The following EYS variants were observed in gnomAD, a reference collection of about 807,000 sequenced individuals.
The protein encoded by EYS is EGF-like photoreceptor maintenance factor.
In EYS, 250 loss-of-function variants were observed where a neutral mutation model predicts 282.1. The observed-to-expected ratio is 0.89, with a 90% CI of 0.80 to 0.98. EYS has a LOEUF of 0.98. Ranked by LOEUF, EYS falls within the 50% of genes least tolerant of loss-of-function variation. EYS has a pLI of 0.00. For synonymous variants in EYS, 1,355 were observed against 1,282.9 expected (o/e 1.06, Z -1.20); for missense variants, 4,016 against 3,709.0 (o/e 1.08, Z -2.15).
chr6:64,643,736 G>C (rs982851168), intron 22 of EYS, among the ~76,000 whole-genome samples: 2 of 152,216 alleles, frequency 1.3e-5, no homozygotes, highest in Non-Finnish European at 2.9e-5. Flanking sequence ...CATTAGATAT[G>C]ATAGTTTTAT....
intron 2 of EYS, among the ~76,000 whole-genome samples, chr6:65,587,302 G>A (rs1222946855): frequency 6.6e-6 from 1 of 152,062 alleles, no homozygotes; most frequent in Non-Finnish European, 1.5e-5. Flanking sequence ...TGGTTCAGTT[G>A]TGTCCCCACC....
intron 2 of EYS, among the ~76,000 whole-genome samples, chr6:65,557,321 G>T (rs1192751808): frequency 6.6e-6 from 1 of 152,194 alleles, no homozygotes; most frequent in Non-Finnish European, 1.5e-5. Context: ...GCGTGAAAGA[G>T]TGCAGGGTCC....
At chr6:64,534,268 A>AT (rs1764450520) in intron 26 of EYS, among the ~76,000 whole-genome samples, 1 of 151,968 alleles carries the variant, frequency 6.6e-6, no homozygotes, top group Non-Finnish European at 1.5e-5. Context: ...GTTTCAAGGC[A>AT]TTTAAATTAG....
chr6:63,933,271 C>T (rs971564769), intron 35 of EYS, among the ~76,000 whole-genome samples: 4 of 152,114 alleles, frequency 2.6e-5, no homozygotes, highest in African/African-American at 9.7e-5. Flanking sequence ...CTCACTCTGT[C>T]TCCCAGGCTG....
At chr6:64,035,050 T>C (rs1447770420) in intron 33 of EYS, among the ~76,000 whole-genome samples, 1 of 152,126 alleles carries the variant, frequency 6.6e-6, no homozygotes, top group Non-Finnish European at 1.5e-5. Flanking sequence ...GGGTGGAGGC[T>C]ACTGACATGT....
chr6:64,287,253 C>T (rs1232412268), intron 30 of EYS, among the ~76,000 whole-genome samples: 2 of 152,068 alleles, frequency 1.3e-5, no homozygotes, highest in Non-Finnish European at 2.9e-5. Flanking sequence ...CAGCATCAGT[C>T]ACAAAATAAT....
chr6:64,130,419 G>A (rs1773934229), intron 31 of EYS, among the ~76,000 whole-genome samples: 1 of 152,134 alleles, frequency 6.6e-6, no homozygotes, highest in South Asian at 2.1e-4. Context: ...TCATAGGTGA[G>A]AATTGAACAA....
At chr6:63,827,202 C>T (rs1040271575) in intron 36 of EYS, among the ~76,000 whole-genome samples, 23 of 152,288 alleles carry the variant, frequency 1.5e-4, no homozygotes, top group African/African-American at 3.8e-4. Context: ...TGATAAAAGG[C>T]CTTGTCCAAC....
chr6:65,494,791 G>A lies in EYS; in HGVS notation c.620C>T (p.Ser207Phe). The A allele has an allele frequency of 6.2e-7, 1 of 1,614,048 alleles. No individual in the cohort carries two copies. The highest frequency in any genetic ancestry group is 1.1e-5 in the South Asian group (1 of 91,084). Reference protein sequence around the residue: ...TYSCHCQPPFSGKYCQELDAC... With the variant: ...TYSCHCQPPFFGKYCQELDAC... ...ATCAAGTTCCTGGCAGTATTTTCCAGAAAATGGAGGCTGGCAATGGCAGCT... is the reference window on the plus strand; with the variant it reads ...ATCAAGTTCCTGGCAGTATTTTCCAAAAAATGGAGGCTGGCAATGGCAGCT... The change falls in exon 4 of 43, where the codon TCT (serine) becomes TTT (phenylalanine). Residue 207 changes from serine to phenylalanine, a missense_variant. Ser to Phe is a radical substitution (Grantham distance 155). Transcript: ENST00000503581.
At chr6:65,672,097 C>A (rs902520318) in intron 1 of EYS, among the ~76,000 whole-genome samples, 1 of 152,056 alleles carries the variant, frequency 6.6e-6, no homozygotes, top group African/African-American at 2.4e-5. Flanking sequence ...ATAAGAGCTC[C>A]AGAGGACCTA....
intron 32 of EYS, among the ~76,000 whole-genome samples, chr6:64,077,661 C>T (rs1179900451): frequency 6.6e-6 from 1 of 151,942 alleles, no homozygotes; most frequent in Non-Finnish European, 1.5e-5. Flanking sequence ...TTTCAAAGAT[C>T]ACATACTTCC....
chr6:64,844,357 G>GTT (rs1765657623), intron 19 of EYS, among the ~76,000 whole-genome samples: 2 of 145,562 alleles, frequency 1.4e-5, no homozygotes, highest in African/African-American at 2.5e-5. Context: ...TATGCTGTTG[G>GTT]GTTTTTTTTT....
chr6:64,401,871 A>C (rs1773548257), intron 28 of EYS, among the ~76,000 whole-genome samples: 2 of 152,104 alleles, frequency 1.3e-5, no homozygotes, highest in Non-Finnish European at 2.9e-5. Context: ...AAAACTTTGA[A>C]TGGTAGACTA....
intron 26 of EYS, among the ~76,000 whole-genome samples, chr6:64,536,179 CTA>C (rs1764513332): frequency 6.6e-6 from 1 of 151,780 alleles, no homozygotes; most frequent in Non-Finnish European, 1.5e-5. Context: ...GATAAAAAAA[CTA>C]TATTAACTAA....
At chr6:64,419,496 C>T (rs968718217) in intron 28 of EYS, among the ~76,000 whole-genome samples, 6 of 152,180 alleles carry the variant, frequency 3.9e-5, no homozygotes, top group African/African-American at 9.7e-5. Context: ...AATCCAAAGT[C>T]TCATCTGAGA....
chr6:64,271,311 A>G (rs1285133834), intron 30 of EYS, among the ~76,000 whole-genome samples: 1 of 151,964 alleles, frequency 6.6e-6, no homozygotes, highest in Non-Finnish European at 1.5e-5. Flanking sequence ...CAATTTTTCT[A>G]TTGAGTTGTC....
At chr6:64,710,740 G>T (rs549860816) in intron 22 of EYS, among the ~76,000 whole-genome samples, 1 of 152,354 alleles carries the variant, frequency 6.6e-6, no homozygotes, top group Non-Finnish European at 1.5e-5. Flanking sequence ...AAGCTCACTT[G>T]CTCAAAGAGT....
intron 12 of EYS, among the ~76,000 whole-genome samples, chr6:65,230,520 C>T (rs961448289): frequency 3.1e-4 from 47 of 151,742 alleles, no homozygotes; most frequent in African/African-American, 1.1e-3. Context: ...TGCTAATCCT[C>T]GTCCCTTAAA....
chr6:64,444,325 G>A (rs1219503221), intron 26 of EYS, among the ~76,000 whole-genome samples: 3 of 152,274 alleles, frequency 2.0e-5, no homozygotes, highest in African/African-American at 4.8e-5. Context: ...TGACCTTGAT[G>A]AGGTTTATGT....
Sources: gnomAD v4.1 joint callset for allele counts (sites outside exome capture counted in the v4.1 genomes callset) on GRCh38, gnomAD v4.1.1 for gene constraint, MANE v1.5 for transcripts, NCBI Gene and HGNC (gene_info 2026-07-23, HGNC 2026-07-21) for gene names.